The following DNAH14 variants were observed in gnomAD, a reference collection of about 807,000 sequenced individuals.
DNAH14 encodes the protein axonemal beta dynein heavy chain 14.
Under a neutral mutation model 520.9 loss-of-function variants are expected in DNAH14, and 478 were observed. The ratio of observed to expected loss-of-function variants is 0.92; its 90% CI spans 0.85 to 0.99. DNAH14 has a LOEUF of 0.99. DNAH14 is among the 50% of genes least tolerant of loss of function. DNAH14 has a pLI of 0.00. For missense variants in DNAH14, 4,831 were observed against 5,234.5 expected (o/e 0.92, Z 2.38); for synonymous variants, 1,581 against 1,757.2 (o/e 0.90, Z 2.51).
intron 43 of DNAH14, among the ~76,000 whole-genome samples, chr1:225,249,890 C>T (rs1207349041): frequency 6.6e-6 from 1 of 152,192 alleles, no homozygotes; most frequent in Non-Finnish European, 1.5e-5. Flanking sequence ...TTTTGAGGCT[C>T]ATCCATAATG....
intron 1 of DNAH14, among the ~76,000 whole-genome samples, chr1:224,932,568 A>T (rs550345573): frequency 2.0e-5 from 3 of 151,996 alleles, no homozygotes; most frequent in Admixed American, 6.5e-5. Flanking sequence ...TTTGGATCTT[A>T]TGTTTAAGTC....
chr1:225,335,958 C>T (rs2095027389), intron 66 of DNAH14, among the ~76,000 whole-genome samples: 1 of 143,632 alleles, frequency 7.0e-6, no homozygotes, highest in Non-Finnish European at 1.5e-5. Flanking sequence ...TATATATACA[C>T]ATATACATAT....
rs1244821491 is a variant in DNAH14, at chr1:224,976,554, T to C, written c.830+2401T>C. ...CTACCATCAAAGTGAACAGGCAACC[T>C]ACAAAATGGGAGAAAATTTTCGCAA... On this transcript the variant is annotated intron_variant, in intron 8 of 85. Coordinates refer to ENST00000682510, the MANE Select transcript of DNAH14 (RefSeq NM_001367479.1). Among the ~76,000 whole-genome samples, 3 of 152,114 alleles carry C rather than the reference T, an allele frequency of 2.0e-5. No individual in the cohort carries two copies. In the South Asian group the frequency reaches 6.2e-4, roughly 32 times the overall value.
At chr1:225,056,709 A>G (rs1029736595) in intron 17 of DNAH14, among the ~76,000 whole-genome samples, 2 of 152,136 alleles carry the variant, frequency 1.3e-5, no homozygotes, top group African/African-American at 2.4e-5. Context: ...ATTTTTGTAT[A>G]AGGTGTAAGG....
At chr1:225,072,181 C>G (rs1456076723) in intron 17 of DNAH14, among the ~76,000 whole-genome samples, 4 of 152,176 alleles carry the variant, frequency 2.6e-5, no homozygotes, top group Admixed American at 6.5e-5. Context: ...GTACACCAAT[C>G]AGTCATAGAT....
At chr1:225,216,432 A>G (rs1454837340) in intron 41 of DNAH14, among the ~76,000 whole-genome samples, 1 of 152,074 alleles carries the variant, frequency 6.6e-6, no homozygotes, top group Non-Finnish European at 1.5e-5. Flanking sequence ...CTGAATTTGA[A>G]TGTTGGCCTG....
intron 66 of DNAH14, among the ~76,000 whole-genome samples, chr1:225,335,394 CAT>C (rs1186324093): frequency 0.077 from 5,843 of 76,150 alleles, 1,292 homozygotes; most frequent in African/African-American, 0.14. Context: ...CACATATACA[CAT>C]GTGTACATGT....
intron 13 of DNAH14, among the ~76,000 whole-genome samples, 162 bp downstream of exon 13, chr1:225,043,276 G>GAAAAAA (rs10671374): frequency 5.1e-5 from 5 of 98,140 alleles, no homozygotes; most frequent in African/African-American, 7.6e-5. Flanking sequence ...GTCTCTTGGG[G>GAAAAAA]AAAAAAAAAA....
chr1:225,122,243 G>A (rs1035841778), intron 26 of DNAH14, among the ~76,000 whole-genome samples: 1 of 152,076 alleles, frequency 6.6e-6, no homozygotes, highest in Non-Finnish European at 1.5e-5. Context: ...GTCATTCTTG[G>A]TTATCTTTTC....
At chr1:225,234,198 G>A (rs2091376578) in intron 42 of DNAH14, among the ~76,000 whole-genome samples, 1 of 152,088 alleles carries the variant, frequency 6.6e-6, no homozygotes, top group African/African-American at 2.4e-5. Flanking sequence ...TAGCCTTGTA[G>A]TATAGTTTGA....
chr1:225,350,706 A>G (rs2095353008), intron 71 of DNAH14, among the ~76,000 whole-genome samples: 1 of 152,184 alleles, frequency 6.6e-6, no homozygotes, highest in South Asian at 2.1e-4. Flanking sequence ...GAACAAATAG[A>G]AAATCTGAAC....
chr1:225,331,084 C>A (rs2150278825), intron 64 of DNAH14, among the ~76,000 whole-genome samples: 2 of 152,140 alleles, frequency 1.3e-5, no homozygotes, highest in South Asian at 4.1e-4. Flanking sequence ...CTGTTCAGTA[C>A]ATCTGAAGTG....
intron 23 of DNAH14, among the ~76,000 whole-genome samples, chr1:225,109,470 C>G (rs2076321442): frequency 6.6e-6 from 1 of 151,914 alleles, no homozygotes; most frequent in Non-Finnish European, 1.5e-5. Context: ...TTATGTGTAG[C>G]TGTTGTAAAT....
chr1:224,992,949 CTGA>C (rs1192506389), intron 8 of DNAH14, among the ~76,000 whole-genome samples: 1 of 152,034 alleles, frequency 6.6e-6, no homozygotes, highest in African/African-American at 2.4e-5. Flanking sequence ...TTTTCTGCAC[CTGA>C]TGAGATGATC....
intron 29 of DNAH14, 79 bp downstream of exon 29, chr1:225,144,707 C>G: frequency 9.0e-7 from 1 of 1,116,106 alleles, no homozygotes; most frequent in Non-Finnish European, 1.3e-6. Flanking sequence ...TAAATTTACA[C>G]CATTCCTGCT....
At chr1:225,015,520 C>A (rs993154760) in intron 10 of DNAH14, among the ~76,000 whole-genome samples, 32 of 152,200 alleles carry the variant, frequency 2.1e-4, no homozygotes, top group Admixed American at 1.7e-3. Context: ...CTTTTCACTT[C>A]CAGCTTTAAG....
Position 225,392,382 on chromosome 1 carries a change from C to T in DNAH14, c.13422C>T (p.Thr4474=), listed in dbSNP as rs1418956008. ...TCACCCACCATGTGATTTCCAACAC[C>T]ACTGACAAGGATGAGAAGTTCTCCG... ...LTFTHHVISN[T]TDKDEKFSVF... is the part of the protein sequence containing the mutation. The change falls in exon 84 of 86, where the codon ACC becomes ACT. Residue 4474 remains threonine (T), a synonymous_variant. Coordinates refer to ENST00000682510, the MANE Select transcript of DNAH14 (RefSeq NM_001367479.1). The T allele has an allele frequency of 6.4e-7, 1 of 1,552,192 alleles. No individual in the cohort carries two copies. Among genetic ancestry groups the T allele is most frequent in the Non-Finnish European group, 8.7e-7 (1 of 1,147,106 alleles).
At chr1:225,160,995 A>G (rs2081459523) in intron 35 of DNAH14, among the ~76,000 whole-genome samples, 1 of 152,016 alleles carries the variant, frequency 6.6e-6, no homozygotes, top group East Asian at 1.9e-4. Context: ...AGCTTATAAG[A>G]TTTTCAAATT....
Position 225,398,604 on chromosome 1 carries a change from G to T in DNAH14, c.13576G>T (p.Glu4526Ter). ...ARWNREQKILEDSLPLEMCCD... is the reference protein window; with the variant it reads ...ARWNREQKIL ...ATGGAATCGTGAACAGAAAATACTG[G>T]AAGACTCGCTGCCTCTGGAGATGTG... is the stretch of plus-strand genomic sequence containing the variant. Residue 4526 changes from glutamate (E) to a stop codon, truncating the protein, a stop_gained, in exon 85 of 86, where the codon GAA becomes TAA. Transcript: ENST00000682510. LOFTEE classifies it high-confidence loss of function. 6.4e-7 allele frequency: 1 copy of T among 1,551,696 alleles called. No individual in the cohort carries two copies. The highest frequency in any genetic ancestry group is 8.7e-7 in the Non-Finnish European group (1 of 1,146,988).
Sources: gnomAD v4.1 joint callset for allele counts (sites outside exome capture counted in the v4.1 genomes callset) on GRCh38, gnomAD v4.1.1 for gene constraint, MANE v1.5 for transcripts, NCBI Gene and HGNC (gene_info 2026-07-23, HGNC 2026-07-21) for gene names.